KCNH5: variants seen among roughly 807,000 people sequenced by gnomAD.
KCNH5 encodes the protein voltage-gated delayed rectifier potassium channel KCNH5.
In KCNH5, 46 loss-of-function variants were observed where a neutral mutation model predicts 96.1. The ratio of observed to expected loss-of-function variants is 0.48; its 90% confidence interval spans 0.38 to 0.61. The LOEUF (loss-of-function observed/expected upper bound fraction) is 0.61. Among genes scored for constraint, KCNH5 ranks in the 20% least tolerant of loss-of-function variants. The pLI is 0.00. For synonymous variants in KCNH5, 439 were observed against 449.8 expected (o/e 0.98, Z 0.30); for missense variants, 907 against 1,225.8 (o/e 0.74, Z 3.88).
chr14:62,973,115 G>GTA (rs1427535169), intron 6 of KCNH5, among the ~76,000 whole-genome samples: 4 of 85,760 alleles, frequency 4.7e-5, no homozygotes, highest in Non-Finnish European at 1.1e-4. Flanking sequence ...GGAGCAAAGG[G>GTA]TACAGTACAT....
chr14:62,700,270 G>GT lies in KCNH5; in HGVS notation c.*7237dup, dbSNP rs1195560365. The GT allele has an allele frequency of 2.0e-5, 3 of 152,160 alleles. No homozygotes were observed. Among genetic ancestry groups the GT allele is most frequent in the Non-Finnish European group, 2.9e-5 (2 of 67,998 alleles). The allele number at this position is 152,160 out of a possible 1,614,324, so 9.4% of individuals were successfully genotyped here. ...GCTCTTTCAACAAACTACAATGGATGTTTTAGGGTAAAAAAATGGTTCTAA... is the reference window on the plus strand; with the variant it reads ...GCTCTTTCAACAAACTACAATGGATGTTTTTAGGGTAAAAAAATGGTTCTAA... On this transcript the variant is annotated 3_prime_UTR_variant, in exon 11 of 11. Transcript: ENST00000322893.
intron 7 of KCNH5, among the ~76,000 whole-genome samples, chr14:62,892,368 GA>G (rs1888727838): frequency 6.6e-6 from 1 of 152,228 alleles, no homozygotes; most frequent in Admixed American, 6.5e-5. Flanking sequence ...TATGAAGGCT[GA>G]AAGAGGTAAG....
At chr14:62,773,160 G>C (rs1199327013) in intron 10 of KCNH5, among the ~76,000 whole-genome samples, 2 of 152,154 alleles carry the variant, frequency 1.3e-5, no homozygotes, top group African/African-American at 4.8e-5. Context: ...GAGCTTCCAA[G>C]GACTAGATTC....
chr14:62,919,407 A>G (rs114790336), intron 7 of KCNH5, among the ~76,000 whole-genome samples: 1,729 of 152,284 alleles, frequency 0.011, 44 homozygotes, highest in African/African-American at 0.039. Flanking sequence ...TAAAGTTAGA[A>G]ATGCATTTCT....
chr14:63,001,240 G>A, intron 4 of KCNH5, 91 bp downstream of exon 4: 1 of 1,166,056 alleles, frequency 8.6e-7, no homozygotes, highest in East Asian at 2.6e-5. Flanking sequence ...GTAGAATTTT[G>A]TTTTCCAGTT....
intron 2 of KCNH5, among the ~76,000 whole-genome samples, chr14:63,014,514 A>T (rs1265755815): frequency 6.6e-6 from 1 of 152,128 alleles, no homozygotes. Context: ...TGAATCCTTT[A>T]TAGGAAAAAT....
Position 62,720,778 on chromosome 14 carries a change from G to A in KCNH5, c.2020-12323C>T, listed in dbSNP as rs574692782. Among the ~76,000 whole-genome samples, 272 of 152,268 alleles carry A rather than the reference G, an allele frequency of 1.8e-3. 2 individuals carry two copies. Among genetic ancestry groups the A allele is most frequent in the Non-Finnish European group, 2.0e-3 (134 of 68,008 alleles). On this transcript the variant is annotated intron_variant, in intron 10 of 10. Transcript: ENST00000322893. ...AACAACACTCTTTTTAGTCTAAGCC[G>A]AAGGACAAATGGTAGTGCCATTTTC...
At chr14:62,951,808 C>G (rs1890011034) in intron 6 of KCNH5, among the ~76,000 whole-genome samples, 1 of 151,586 alleles carries the variant, frequency 6.6e-6, no homozygotes, top group South Asian at 2.1e-4. Context: ...TAAAAAAACT[C>G]AAAAATTAGC....
intron 7 of KCNH5, among the ~76,000 whole-genome samples, chr14:62,904,987 A>T (rs1888999229): frequency 6.6e-6 from 1 of 152,192 alleles, no homozygotes; most frequent in African/African-American, 2.4e-5. Context: ...AATATACGCT[A>T]CCATGGTTCT....
rs1595586826 is a variant in KCNH5 at position 62,707,113 on chromosome 14, A to G, written c.*395T>C. 6.6e-6 allele frequency: 1 copy of G among 152,538 alleles called. No homozygotes were observed. Among genetic ancestry groups the G allele is most frequent in the Non-Finnish European group, 1.5e-5 (1 of 68,248 alleles). 9.4% of individuals were successfully genotyped at this position (152,538 alleles called of 1,614,324 possible). A position where few individuals can be genotyped will look rare whatever the true frequency, so the allele number is the denominator to read the frequency against. ...TTCCTTGGCATTAATCTATACTTTT[A>G]ACTTAACAGAACAGTGAGAAAATGA... On this transcript the variant is annotated 3_prime_UTR_variant, in exon 11 of 11. Coordinates refer to ENST00000322893, the MANE Select transcript of KCNH5 (RefSeq NM_139318.5).
At chr14:62,982,203 C>T (rs1318411525) in intron 5 of KCNH5, among the ~76,000 whole-genome samples, 1 of 152,134 alleles carries the variant, frequency 6.6e-6, no homozygotes, top group Admixed American at 6.5e-5. Context: ...GTGGTGCGTG[C>T]CTATAATCCC....
intron 8 of KCNH5, among the ~76,000 whole-genome samples, chr14:62,816,567 A>G (rs765928764): frequency 7.2e-5 from 11 of 152,056 alleles, no homozygotes; most frequent in Non-Finnish European, 1.2e-4. Flanking sequence ...CATTATAAGT[A>G]AAGTTTGCCT....
At chr14:62,738,789 G>A (rs1015852572) in intron 10 of KCNH5, among the ~76,000 whole-genome samples, 2 of 152,020 alleles carry the variant, frequency 1.3e-5, no homozygotes, top group Non-Finnish European at 2.9e-5. Flanking sequence ...ATAGCAGTTC[G>A]CAATCCAGTT....
At chr14:62,903,665 A>G (rs1360558838) in intron 7 of KCNH5, among the ~76,000 whole-genome samples, 1 of 152,058 alleles carries the variant, frequency 6.6e-6, no homozygotes, top group Non-Finnish European at 1.5e-5. Flanking sequence ...TCAAAGCACA[A>G]TAGTAAACAA....
At chr14:62,951,962 C>CA (rs36114434) in intron 6 of KCNH5, among the ~76,000 whole-genome samples, 80,631 of 105,488 alleles carry the variant, frequency 0.76, 31,732 homozygotes, top group East Asian at 0.92. Flanking sequence ...GACTCCGTCT[C>CA]AAAAAAAAAA....
At chr14:62,949,922 A>C (rs560989686) in intron 7 of KCNH5, 125 of 509,126 alleles carry the variant, frequency 2.5e-4, no homozygotes, top group Non-Finnish European at 4.1e-4. Context: ...TACACACATT[A>C]ATATGTTTTT....
At chr14:62,775,802 C>T (rs1308660582) in intron 10 of KCNH5, among the ~76,000 whole-genome samples, 1 of 152,162 alleles carries the variant, frequency 6.6e-6, no homozygotes, top group African/African-American at 2.4e-5. Flanking sequence ...TGGGCAGTCA[C>T]CTGATTGTAA....
chr14:62,920,496 T>A (rs1595685066), intron 7 of KCNH5, among the ~76,000 whole-genome samples: 2 of 152,016 alleles, frequency 1.3e-5, no homozygotes, highest in Admixed American at 6.6e-5. Context: ...AACCCTCACA[T>A]AACCTCCAGT....
chr14:62,941,539 T>TGAAGA (rs147832362), intron 7 of KCNH5, among the ~76,000 whole-genome samples: 3,025 of 152,184 alleles, frequency 0.02, 59 homozygotes, highest in East Asian at 0.082. Flanking sequence ...CTCAGCTCAT[T>TGAAGA]AAAGAAAAGA....
Sources: allele counts gnomAD v4.1 joint callset (sites outside exome capture counted in the v4.1 genomes callset), GRCh38; gene constraint gnomAD v4.1.1; transcripts MANE v1.5; gene names NCBI Gene and HGNC (gene_info 2026-07-23, HGNC 2026-07-21).